The following ATP9A variants were observed in gnomAD, a reference collection of about 807,000 sequenced individuals.
ATP9A encodes ATPase phospholipid transporting 9A.
Under a neutral mutation model 144.1 loss-of-function variants are expected in ATP9A, and 52 were observed. The ratio of observed to expected loss-of-function variants is 0.36; its 90% CI spans 0.29 to 0.45. The LOEUF (loss-of-function observed/expected upper bound fraction) is 0.45. Ranked by LOEUF, ATP9A falls within the 20% of genes least tolerant of loss-of-function variation. ATP9A has a pLI of 1.00. For missense variants in ATP9A, 947 were observed against 1,392.7 expected, an observed-to-expected ratio of 0.68 and a Z score of 5.09; for synonymous variants, 582 against 557.4, an observed-to-expected ratio of 1.04 and a Z score of -0.62.
chr20:51,719,581 A>C (rs1408928450), intron 3 of ATP9A, among the ~76,000 whole-genome samples: 1 of 151,910 alleles, frequency 6.6e-6, no homozygotes, highest in East Asian at 1.9e-4. Context: ...AAAAATACAA[A>C]AATTAGCTGG....
intron 1 of ATP9A, among the ~76,000 whole-genome samples, chr20:51,765,583 C>T (rs1190690061): frequency 6.8e-6 from 1 of 146,596 alleles, no homozygotes; most frequent in South Asian, 2.1e-4. Flanking sequence ...ACCTGGAATG[C>T]GGACGTTGCA....
intron 1 of ATP9A, among the ~76,000 whole-genome samples, chr20:51,733,652 C>T (rs377132540): frequency 2.6e-3 from 398 of 151,278 alleles, no homozygotes; most frequent in African/African-American, 4.4e-3. Context: ...GGATTACAGG[C>T]GTGAGCCACT....
At chr20:51,637,306 T>TAAAAAAAA (rs3029335) in intron 15 of ATP9A, among the ~76,000 whole-genome samples, 3 of 89,980 alleles carry the variant, frequency 3.3e-5, no homozygotes, top group African/African-American at 8.2e-5. Flanking sequence ...TCCCTAACAT[T>TAAAAAAAA]AAAAAAAAAA....
chr20:51,747,373 A>T (rs1330731347), intron 1 of ATP9A, among the ~76,000 whole-genome samples: 1 of 152,108 alleles, frequency 6.6e-6, no homozygotes, highest in Non-Finnish European at 1.5e-5. Flanking sequence ...ATGCACGAGG[A>T]TGTTCACAGC....
Position 51,618,770 on chromosome 20 carries a change from G to A in ATP9A, c.2242C>T (p.Leu748=). The A allele has an allele frequency of 1.9e-6, 3 of 1,606,434 alleles. No individual in the cohort carries two copies. Among genetic ancestry groups the A allele is most frequent in the East Asian group, 2.2e-5 (1 of 44,772 alleles). The part of the protein sequence containing the change: ...LKYYEYEFME[L]ACQCPAVVCC... The stretch of plus-strand genomic sequence containing the variant: ...ACTACGGCCGGGCACTGGCAGGCCA[G>A]CTCCATGAACTCGTACTCATAGTAC... Residue 748 remains leucine (L), a synonymous_variant, in exon 21 of 28, where the codon CTG becomes TTG. Transcript: ENST00000338821.
At chr20:51,746,318 T>C (rs1326928252) in intron 1 of ATP9A, among the ~76,000 whole-genome samples, 3 of 152,122 alleles carry the variant, frequency 2.0e-5, no homozygotes, top group African/African-American at 7.2e-5. Flanking sequence ...AAAATAAAAG[T>C]TTTTAAAATT....
Position 51,751,407 on chromosome 20 carries a change from G to A in ATP9A, c.68+16895C>T, listed in dbSNP as rs116024623. Among the ~76,000 whole-genome samples the A allele has an allele frequency of 2.7e-3, 414 of 151,322 alleles. 3 individuals carry two copies. Among genetic ancestry groups the A allele is most frequent in the African/African-American group, 9.3e-3 (385 of 41,248 alleles). On this transcript the variant is annotated intron_variant, in intron 1 of 27. Coordinates refer to ENST00000338821, the MANE Select transcript of ATP9A (RefSeq NM_006045.3). ...CCCAAGTAACTGAGACCACAAACAT[G>A]CAATACCATGCCCAGCTAATTTTTT...
At chr20:51,690,892 T>C in intron 7 of ATP9A, 73 bp from the exon 8 acceptor site, 1 of 1,210,192 alleles carries the variant, frequency 8.3e-7, no homozygotes, top group Non-Finnish European at 1.2e-6. Context: ...ATCCACTATG[T>C]TTCCAAAGCA....
chr20:51,687,755 C>G (rs969040778), intron 9 of ATP9A, among the ~76,000 whole-genome samples: 5 of 116,416 alleles, frequency 4.3e-5, no homozygotes, highest in African/African-American at 1.5e-4. Flanking sequence ...CAGAATGAGA[C>G]CCTGTCTCAA....
chr20:51,663,485 C>T (rs1238466991), intron 13 of ATP9A, among the ~76,000 whole-genome samples: 1 of 151,998 alleles, frequency 6.6e-6, no homozygotes, highest in Non-Finnish European at 1.5e-5. Flanking sequence ...GAAAACCACA[C>T]TGACAAAAAA....
intron 18 of ATP9A, 27 bp from the exon 19 acceptor site, chr20:51,622,199 T>G (rs1355642157): frequency 3.8e-6 from 6 of 1,597,130 alleles, no homozygotes; most frequent in Non-Finnish European, 5.1e-6. Context: ...ACAGAGGTCC[T>G]GTTTATTAGT....
Position 51,648,137 on chromosome 20 carries a change from T to C in ATP9A, c.1507-8633A>G, listed in dbSNP as rs369379050. On this transcript the variant is annotated intron_variant, in intron 14 of 27. Transcript: ENST00000338821. ...TCATGCACACATCTGAATGCTGTCA[T>C]TGTCTGGACCTGAGGCTGAGGCTCA... 2.8e-4 allele frequency among the ~76,000 whole-genome samples: 42 copies of C among 152,256 alleles called. No homozygotes were observed. In the East Asian group the frequency reaches 7.7e-3, roughly 28 times the overall value.
At chr20:51,740,380 G>A (rs2077779694) in intron 1 of ATP9A, among the ~76,000 whole-genome samples, 1 of 149,076 alleles carries the variant, frequency 6.7e-6, no homozygotes, top group Admixed American at 6.7e-5. Context: ...ATTTTAGTTG[G>A]GAGTCTGTCA....
chr20:51,723,656 A>C (rs1374855248), intron 3 of ATP9A, among the ~76,000 whole-genome samples: 9 of 148,306 alleles, frequency 6.1e-5, no homozygotes, highest in African/African-American at 2.0e-4. Flanking sequence ...TCCCGGATTC[A>C]AGCGATTCTC....
intron 4 of ATP9A, among the ~76,000 whole-genome samples, chr20:51,707,789 A>C (rs947972624): frequency 1.3e-5 from 2 of 152,082 alleles, no homozygotes; most frequent in African/African-American, 2.4e-5. Flanking sequence ...CCAGGCTCTC[A>C]CGTTCATCTC....
At chr20:51,605,680 A>G (rs903485778) in intron 26 of ATP9A, among the ~76,000 whole-genome samples, 20 of 152,128 alleles carry the variant, frequency 1.3e-4, no homozygotes, top group African/African-American at 2.7e-4. Context: ...TGGGAGGCTG[A>G]GGCGGGCGGA....
At chr20:51,696,216 C>CGGAA in intron 5 of ATP9A, 72 bp from the exon 6 acceptor site, 3 of 1,406,058 alleles carry the variant, frequency 2.1e-6, no homozygotes, top group Non-Finnish European at 3.0e-6. Context: ...GGGGGGCTTC[C>CGGAA]GCCCCCACCC....
At position 51,598,103 on chromosome 20, in the gene ATP9A, C is replaced by T. The variant is rs761048823; in HGVS notation, c.*3108G>A. 1 of 148,482 alleles carries T rather than the reference C, an allele frequency of 6.7e-6. No homozygotes were observed. Among genetic ancestry groups the T allele is most frequent in the African/African-American group, 2.5e-5 (1 of 40,188 alleles). 9.2% of individuals were successfully genotyped at this position (148,482 alleles called of 1,614,324 possible). On this transcript the variant is annotated 3_prime_UTR_variant, in exon 28 of 28. Transcript: ENST00000338821. The stretch of plus-strand genomic sequence containing the variant: ...ACACACATGTGCACACGCATGCTTT[C>T]AAAATGAGGATCAAAACTGTCCCAC...
At chr20:51,638,820 T>C (rs893780039) in intron 15 of ATP9A, among the ~76,000 whole-genome samples, 1 of 152,136 alleles carries the variant, frequency 6.6e-6, no homozygotes, top group African/African-American at 2.4e-5. Flanking sequence ...AAATTAAAAA[T>C]TTTTAAAAGA....
Sources: allele counts gnomAD v4.1 joint callset (sites outside exome capture counted in the v4.1 genomes callset), GRCh38; gene constraint gnomAD v4.1.1; transcripts MANE v1.5; gene names NCBI Gene and HGNC (gene_info 2026-07-23, HGNC 2026-07-21).